The following RASA4B variants were observed in gnomAD, a reference collection of about 807,000 sequenced individuals.
RASA4B encodes the protein ras GTPase-activating protein 4B.
Under a neutral mutation model 24.2 loss-of-function variants are expected in RASA4B, and 2 were observed. That is an observed-to-expected ratio of 0.08 (90% confidence interval 0.03 to 0.26). The LOEUF (loss-of-function observed/expected upper bound fraction) is 0.26, where lower values mean the gene tolerates loss of function less well. RASA4B is among the 10% of genes least tolerant of loss of function. The probability of loss-of-function intolerance (pLI) is 1.00; values close to 1 mark genes in which losing one functional copy is unlikely to be tolerated. For synonymous variants in RASA4B, 2 were observed against 125.6 expected (o/e 0.02, Z 6.58); for missense variants, 8 against 277.2 (o/e 0.03, Z 6.90).
At chr7:102,490,596 A>AAC (rs1349541526) in intron 17 of RASA4B, among the ~76,000 whole-genome samples, 12 of 151,798 alleles carry the variant, frequency 7.9e-5, no homozygotes, top group African/African-American at 1.9e-4. Flanking sequence ...GCCCCTGGAC[A>AAC]ACACACACAC....
At chr7:102,503,601 A>C (rs201611435) in intron 5 of RASA4B, among the ~76,000 whole-genome samples, 9 of 5,008 alleles carry the variant, frequency 1.8e-3, no homozygotes, top group East Asian at 0.05. Flanking sequence ...GGCTGCCCTA[A>C]GCCTCGGTTT....
intron 8 of RASA4B, among the ~76,000 whole-genome samples, chr7:102,497,890 C>T (rs1799216927): frequency 1.3e-5 from 1 of 75,606 alleles, no homozygotes; most frequent in Admixed American, 1.7e-4. Flanking sequence ...CTGCTCCTAC[C>T]CTGTTAAGGA....
At position 102,512,852 on chromosome 7, in the gene RASA4B, G is replaced by A. The variant is rs539293833; in HGVS notation, c.66-871C>T. On this transcript the variant is annotated intron_variant, in intron 1 of 20. Coordinates refer to ENST00000465829, the MANE Select transcript of RASA4B (RefSeq NM_001367767.2). Reference sequence around the variant, plus strand: ...GAGGGAGGGAGTAAAGAGGGAGGGGGAGACTGAGGGAGGGGGTGAGAGGGA... The same window carrying A: ...GAGGGAGGGAGTAAAGAGGGAGGGGAAGACTGAGGGAGGGGGTGAGAGGGA... Among the ~76,000 whole-genome samples the A allele has an allele frequency of 2.0e-5, 3 of 148,380 alleles. No homozygotes were observed. In the South Asian group the frequency reaches 6.4e-4, roughly 32 times the overall value.
intron 6 of RASA4B, among the ~76,000 whole-genome samples, chr7:102,502,583 A>T (rs1309475495): frequency 1.3e-3 from 127 of 96,434 alleles, no homozygotes; most frequent in African/African-American, 3.4e-3. Context: ...ACATGGTGAA[A>T]CCCCATCTCT....
At chr7:102,491,624 G>A (rs1377887767) in intron 16 of RASA4B, among the ~76,000 whole-genome samples, 3 of 66,128 alleles carry the variant, frequency 4.5e-5, no homozygotes, top group African/African-American at 5.7e-5. Flanking sequence ...AAAATTAGCC[G>A]GGCATGGTGG....
At position 102,517,755 on chromosome 7, in the gene RASA4B, T is replaced by C; in HGVS notation, c.-45A>G. ...GGAAGCCAGACACCGGGGTCCGGGG[T>C]GGCGGGCGGCGGGCGCTGGACTGGG... On this transcript the variant is annotated 5_prime_UTR_variant, in exon 1 of 21. Transcript: ENST00000465829. 1 of 474,806 alleles carries C rather than the reference T, an allele frequency of 2.1e-6. No individual in the cohort carries two copies. Among genetic ancestry groups the C allele is most frequent in the Non-Finnish European group, 2.9e-6 (1 of 346,576 alleles). The allele number at this position is 474,806 out of a possible 1,614,324, so 29.4% of individuals were successfully genotyped here.
Position 102,500,502 on chromosome 7 carries a change from T to A in RASA4B, c.737+197A>T, listed in dbSNP as rs562745743. On this transcript the variant is annotated intron_variant, in intron 8 of 20. Coordinates refer to ENST00000465829, the MANE Select transcript of RASA4B (RefSeq NM_001367767.2). Reference sequence around the variant, plus strand: ...AATAAATAAATAAATAAATAAATAATAAATAAAGGGGAGGTGGAGCCCAGC... The same window carrying A: ...AATAAATAAATAAATAAATAAATAAAAAATAAAGGGGAGGTGGAGCCCAGC... 2.6e-4 allele frequency among the ~76,000 whole-genome samples: 37 copies of A among 142,486 alleles called. 1 individual carries two copies. Among genetic ancestry groups the A allele is most frequent in the Admixed American group, 7.2e-4 (10 of 13,986 alleles). The allele number at this position is 142,486 out of a possible 152,430, so 93.5% of individuals were successfully genotyped here. A position where few individuals can be genotyped will look rare whatever the true frequency, so the allele number is the denominator to read the frequency against.
intron 17 of RASA4B, among the ~76,000 whole-genome samples, chr7:102,489,842 C>A: frequency 8.4e-6 from 1 of 119,544 alleles, no homozygotes; most frequent in Non-Finnish European, 1.8e-5. Flanking sequence ...GGCTGGAGTG[C>A]AGTGGTGTGA....
chr7:102,498,635 C>T (rs1399748241), intron 8 of RASA4B, among the ~76,000 whole-genome samples: 57 of 131,102 alleles, frequency 4.3e-4, no homozygotes, highest in African/African-American at 1.6e-3. Flanking sequence ...CTGCAACCTC[C>T]GTCTCCTGGG....
chr7:102,491,595 C>T (rs1798947310), intron 16 of RASA4B, among the ~76,000 whole-genome samples: 2 of 66,280 alleles, frequency 3.0e-5, no homozygotes, highest in African/African-American at 5.7e-5. Context: ...TGGAGGAACT[C>T]CGTGTCTACT....
intron 4 of RASA4B, among the ~76,000 whole-genome samples, chr7:102,507,489 T>C: frequency 2.2e-5 from 1 of 45,204 alleles, no homozygotes; most frequent in African/African-American, 8.8e-5. Context: ...CCAGACTGGG[T>C]GATAGAGCAA....
intron 1 of RASA4B, among the ~76,000 whole-genome samples, chr7:102,513,130 G>A (rs1195989626): frequency 6.9e-6 from 1 of 145,748 alleles, no homozygotes; most frequent in Non-Finnish European, 1.6e-5. Flanking sequence ...CCCCAACACT[G>A]ACACTGCTGT....
At chr7:102,490,792 GGCATTC>G (rs1798908893) in intron 17 of RASA4B, among the ~76,000 whole-genome samples, 188 bp downstream of exon 17, 1 of 26,384 alleles carries the variant, frequency 3.8e-5, no homozygotes, top group African/African-American at 1.1e-4. Flanking sequence ...CAGCACCCAG[GGCATTC>G]CCATAGCATC....
chr7:102,482,111 A>AGCCCTGCCC lies in RASA4B; in HGVS notation c.*1472_*1480dup, dbSNP rs1280887088. Among the ~76,000 whole-genome samples, 1 of 151,336 alleles carries AGCCCTGCCC rather than the reference A, an allele frequency of 6.6e-6. No individual in the cohort carries two copies. Among genetic ancestry groups the AGCCCTGCCC allele is most frequent in the Admixed American group, 6.6e-5 (1 of 15,156 alleles). On this transcript the variant is annotated 3_prime_UTR_variant, in exon 21 of 21. Coordinates refer to ENST00000465829, the MANE Select transcript of RASA4B (RefSeq NM_001367767.2). ...CTTCTGTGTCCTCATAACCCACAAAAGCCCTGCCCACCCTGCCCCGGGGCG... is the reference window on the plus strand; with the variant it reads ...CTTCTGTGTCCTCATAACCCACAAAAGCCCTGCCCGCCCTGCCCACCCTGCCCCGGGGCG...
intron 4 of RASA4B, among the ~76,000 whole-genome samples, chr7:102,507,581 C>A (rs1436393138): frequency 1.3e-4 from 20 of 149,380 alleles, no homozygotes; most frequent in East Asian, 1.0e-3. Context: ...GACCTCAAGC[C>A]ATCCTCCCAC....
In RASA4B at chr7:102,481,193, T is replaced by G. The variant is rs1417079747; in HGVS notation, c.*2399A>C. On this transcript the variant is annotated 3_prime_UTR_variant, in exon 21 of 21. Coordinates refer to ENST00000465829, the MANE Select transcript of RASA4B (RefSeq NM_001367767.2). ...CATCACCACTATTTAGTTCAAAAATTTCAAGTCTCCTTTATTTTCCCTTTT... is the reference window on the plus strand; with the variant it reads ...CATCACCACTATTTAGTTCAAAAATGTCAAGTCTCCTTTATTTTCCCTTTT... Among the ~76,000 whole-genome samples the G allele has an allele frequency of 3.0e-4, 29 of 97,150 alleles. No individual in the cohort carries two copies. The Admixed American group carries it at 3.3e-3, about 11-fold the overall frequency. The allele number at this position is 97,150 out of a possible 152,430, so 63.7% of individuals were successfully genotyped here. A position where few individuals can be genotyped will look rare whatever the true frequency, so the allele number is the denominator to read the frequency against.
chr7:102,506,351 A>G (rs1210930521), intron 5 of RASA4B, among the ~76,000 whole-genome samples: 1 of 152,084 alleles, frequency 6.6e-6, no homozygotes, highest in East Asian at 1.9e-4. Context: ...CCTGGGTTCA[A>G]GACTCCTGCC....
At chr7:102,513,112 C>G (rs1262062720) in intron 1 of RASA4B, among the ~76,000 whole-genome samples, 1 of 150,818 alleles carries the variant, frequency 6.6e-6, no homozygotes, top group Non-Finnish European at 1.5e-5. Flanking sequence ...AGCCTTTGCT[C>G]CTGCTCTCCC....
intron 19 of RASA4B, among the ~76,000 whole-genome samples, chr7:102,484,700 T>A (rs1263114286): frequency 7.2e-6 from 1 of 138,766 alleles, no homozygotes; most frequent in Non-Finnish European, 1.6e-5. Flanking sequence ...AAAAGCATCC[T>A]GTTTTTCCTA....
Sources: allele counts gnomAD v4.1 joint callset (sites outside exome capture counted in the v4.1 genomes callset), GRCh38; gene constraint gnomAD v4.1.1; transcripts MANE v1.5; gene names NCBI Gene and HGNC (gene_info 2026-07-23, HGNC 2026-07-21).